Variants in ALDH1A2 observed in about 807,000 individuals in gnomAD.
The protein encoded by ALDH1A2 is aldehyde dehydrogenase 1 family member A2, also known as retinal dehydrogenase 2.
In ALDH1A2, 27 loss-of-function variants were observed where a neutral mutation model predicts 60.3. The observed-to-expected ratio is 0.45, with a 90% CI of 0.33 to 0.62. The LOEUF (loss-of-function observed/expected upper bound fraction) is 0.62. ALDH1A2 is among the 20% of genes least tolerant of loss of function. The pLI, the probability that ALDH1A2 is intolerant of heterozygous loss-of-function variation, is 0.02. For missense variants in ALDH1A2, 581 were observed against 643.8 expected (o/e 0.90, Z 1.06); for synonymous variants, 289 against 232.4 (o/e 1.24, Z -2.21).
intron 1 of ALDH1A2, among the ~76,000 whole-genome samples, chr15:58,034,413 T>A (rs936124425): frequency 6.6e-6 from 1 of 151,664 alleles, no homozygotes; most frequent in African/African-American, 2.4e-5. Context: ...TAGAAAATTA[T>A]GTTATCTGTG....
chr15:58,040,635 G>A (rs1292216807), intron 1 of ALDH1A2, among the ~76,000 whole-genome samples: 1 of 151,770 alleles, frequency 6.6e-6, no homozygotes, highest in East Asian at 1.9e-4. Flanking sequence ...AACATCTATG[G>A]CTGTTCCCCG....
chr15:58,046,679 G>A (rs777520094), intron 1 of ALDH1A2, among the ~76,000 whole-genome samples: 2 of 152,008 alleles, frequency 1.3e-5, no homozygotes, highest in African/African-American at 2.4e-5. Flanking sequence ...CAATTAGTGA[G>A]ATAAAATGTG....
intron 1 of ALDH1A2, among the ~76,000 whole-genome samples, chr15:58,057,370 C>A (rs17820990): frequency 1.3e-5 from 2 of 151,550 alleles, no homozygotes; most frequent in African/African-American, 4.8e-5. Flanking sequence ...GATGTTACCA[C>A]GCAAAACAAT....
At chr15:57,987,153 A>G (rs1426020167) in intron 7 of ALDH1A2, among the ~76,000 whole-genome samples, 1 of 152,176 alleles carries the variant, frequency 6.6e-6, no homozygotes, top group South Asian at 2.1e-4. Flanking sequence ...AGCACAAAGG[A>G]AAAAAATGCT....
chr15:58,022,205 T>A (rs1895946475), intron 1 of ALDH1A2, among the ~76,000 whole-genome samples: 1 of 152,036 alleles, frequency 6.6e-6, no homozygotes, highest in Non-Finnish European at 1.5e-5. Flanking sequence ...TGTTCCCCAT[T>A]CCCGAGACAG....
At chr15:58,014,877 G>A (rs1307990742) in intron 1 of ALDH1A2, among the ~76,000 whole-genome samples, 3 of 152,150 alleles carry the variant, frequency 2.0e-5, no homozygotes, top group African/African-American at 7.2e-5. Flanking sequence ...ATGGGGATGG[G>A]GAGTTAGCAA....
At chr15:58,061,599 A>AAAAAAAG (rs1897036209) in intron 1 of ALDH1A2, among the ~76,000 whole-genome samples, 1 of 144,730 alleles carries the variant, frequency 6.9e-6, no homozygotes, top group Admixed American at 6.9e-5. Flanking sequence ...TTCCCTCAAA[A>AAAAAAAG]AAAAAAAAAA....
At chr15:58,047,705 G>T (rs1274868231) in intron 1 of ALDH1A2, among the ~76,000 whole-genome samples, 20 of 151,930 alleles carry the variant, frequency 1.3e-4, no homozygotes, top group African/African-American at 4.8e-4. Flanking sequence ...CAAGTGCTCA[G>T]ATCATTTAGA....
At chr15:58,032,641 T>C (rs1219111883) in intron 1 of ALDH1A2, among the ~76,000 whole-genome samples, 3 of 151,780 alleles carry the variant, frequency 2.0e-5, no homozygotes, top group African/African-American at 7.3e-5. Flanking sequence ...AAACTGAAAA[T>C]AGAACTACCA....
intron 1 of ALDH1A2, among the ~76,000 whole-genome samples, chr15:58,045,032 ACTT>A (rs1451021859): frequency 6.6e-6 from 1 of 152,084 alleles, no homozygotes; most frequent in Admixed American, 6.5e-5. Context: ...TCTACAAACA[ACTT>A]CAACAAATCT....
intron 7 of ALDH1A2, among the ~76,000 whole-genome samples, chr15:57,982,794 T>C (rs1403125773): frequency 2.6e-5 from 4 of 152,204 alleles, no homozygotes; most frequent in Admixed American, 6.5e-5. Flanking sequence ...GAGGAAAGCC[T>C]AGTATTTTCT....
rs59226967 is a variant in ALDH1A2 at position 58,032,789 on chromosome 15, A to AACACACACAC, written c.118-18518_118-18509dup. Among the ~76,000 whole-genome samples the AACACACACAC allele has an allele frequency of 8.0e-5, 12 of 149,292 alleles. No individual in the cohort carries two copies. In the South Asian group the frequency reaches 8.5e-4, roughly 11 times the overall value. ...TACAGAATCAACCAAAGTGCCCCTC[A>AACACACACAC]ACACACACACACACACACACACACA... On this transcript the variant is annotated intron_variant, in intron 1 of 12. Transcript: ENST00000249750.
intron 1 of ALDH1A2, among the ~76,000 whole-genome samples, chr15:58,038,788 C>T (rs1000542890): frequency 1.3e-5 from 2 of 151,878 alleles, no homozygotes; most frequent in East Asian, 3.9e-4. Context: ...TCTTCCTGTT[C>T]CACTTTCTAT....
intron 1 of ALDH1A2, among the ~76,000 whole-genome samples, chr15:58,041,420 A>C (rs1480161577): frequency 6.6e-6 from 1 of 151,910 alleles, no homozygotes; most frequent in Non-Finnish European, 1.5e-5. Flanking sequence ...TCCCTCGCTT[A>C]GTTCATTCAA....
chr15:57,955,352 A>C, intron 12 of ALDH1A2, 83 bp from the exon 13 acceptor site: 1 of 1,420,398 alleles, frequency 7.0e-7, no homozygotes, highest in South Asian at 1.1e-5. Context: ...GGGGAGGTGC[A>C]GTTTATCACC....
chr15:57,973,860 A>G (rs1233196368), intron 7 of ALDH1A2, among the ~76,000 whole-genome samples: 1 of 152,208 alleles, frequency 6.6e-6, no homozygotes, highest in Non-Finnish European at 1.5e-5. Context: ...AACTTGCTCT[A>G]TTCACACTGT....
chr15:58,011,691 C>G (rs1159769865), intron 3 of ALDH1A2, among the ~76,000 whole-genome samples: 1 of 152,034 alleles, frequency 6.6e-6, no homozygotes, highest in Non-Finnish European at 1.5e-5. Flanking sequence ...ACTATGACTT[C>G]CAGTGTAATT....
chr15:57,994,788 G>A (rs1336161608), intron 5 of ALDH1A2, among the ~76,000 whole-genome samples: 2 of 152,118 alleles, frequency 1.3e-5, no homozygotes, highest in Non-Finnish European at 2.9e-5. Context: ...TCCATAAGCA[G>A]AATGGACATA....
chr15:57,986,946 C>A (rs1053226255), intron 7 of ALDH1A2, among the ~76,000 whole-genome samples: 1 of 152,054 alleles, frequency 6.6e-6, no homozygotes, highest in Non-Finnish European at 1.5e-5. Flanking sequence ...TGGGCCACCA[C>A]GCCCGGCCAC....
Sources: allele counts gnomAD v4.1 joint callset (sites outside exome capture counted in the v4.1 genomes callset), GRCh38; gene constraint gnomAD v4.1.1; transcripts MANE v1.5; gene names NCBI Gene and HGNC (gene_info 2026-07-23, HGNC 2026-07-21).